Variants in TMEM143 observed in about 807,000 individuals in gnomAD.
TMEM143 encodes the protein transmembrane protein 143.
Under a neutral mutation model 40.3 loss-of-function variants are expected in TMEM143, and 45 were observed. The ratio of observed to expected loss-of-function variants is 1.12; its 90% CI spans 0.88 to 1.43. The LOEUF (loss-of-function observed/expected upper bound fraction) is 1.43, where lower values mean the gene tolerates loss of function less well. TMEM143 is among the 40% of genes most tolerant of loss of function. The pLI is 0.00. For synonymous variants in TMEM143, 299 were observed against 282.7 expected (o/e 1.06, Z -0.58); for missense variants, 620 against 613.4 (o/e 1.01, Z -0.11).
rs35957020 is a variant in TMEM143, at chr19:48,347,855, C to CTT, written c.370-2503_370-2502dup. ...ACAGGTGTGAGCCACCGCATCTGGT[C>CTT]TTTTTTTTTTTTTTAATTAGCCAGG... On this transcript the variant is annotated intron_variant, in intron 3 of 7. Transcript: ENST00000293261. Among the ~76,000 whole-genome samples the CTT allele has an allele frequency of 1.8e-3, 125 of 71,300 alleles. 1 individual carries two copies. In the South Asian group the frequency reaches 0.053, roughly 30 times the overall value. 46.8% of individuals were successfully genotyped at this position (71,300 alleles called of 152,430 possible).
chr19:48,335,596 G>A (rs1260948490), intron 6 of TMEM143, among the ~76,000 whole-genome samples: 2 of 152,154 alleles, frequency 1.3e-5, no homozygotes, highest in African/African-American at 4.8e-5. Context: ...GGTGGCTCAT[G>A]CCTGTAATCC....
At chr19:48,339,272 T>C (rs1031932832) in intron 6 of TMEM143, among the ~76,000 whole-genome samples, 4 of 152,072 alleles carry the variant, frequency 2.6e-5, no homozygotes, top group Non-Finnish European at 5.9e-5. Flanking sequence ...GAAGAGAAGA[T>C]GTCAGGGGAG....
chr19:48,342,728 C>T lies in TMEM143; in HGVS notation c.777G>A (p.Leu259=), dbSNP rs1210539363. ...CCGGCAGCAGCTGCTCCAGGCCTTC[C>T]AGCGGCGTGTCCTTGAAACTCTTCA... ...LVLKSFKDTP[L]EGLEQLLPEL... Residue 259 remains leucine (L), a synonymous_variant, in exon 6 of 8, where the codon CTG becomes CTA. Coordinates refer to ENST00000293261, the MANE Select transcript of TMEM143 (RefSeq NM_018273.4). 1 of 1,614,156 alleles carries T rather than the reference C, an allele frequency of 6.2e-7. No individual in the cohort carries two copies. Among genetic ancestry groups the T allele is most frequent in the Admixed American group, 1.7e-5 (1 of 60,020 alleles).
intron 6 of TMEM143, among the ~76,000 whole-genome samples, chr19:48,337,635 C>T (rs1969401243): frequency 1.3e-5 from 2 of 152,056 alleles, no homozygotes; most frequent in South Asian, 4.1e-4. Context: ...AACAGTCACC[C>T]ACACCCTGTG....
At chr19:48,361,803 A>T (rs1346643195) in intron 2 of TMEM143, among the ~76,000 whole-genome samples, 11 of 146,244 alleles carry the variant, frequency 7.5e-5, no homozygotes, top group South Asian at 2.2e-4. Context: ...CTGGGATTAC[A>T]GGCGTGAGCC....
At chr19:48,353,045 A>G (rs190009026) in intron 3 of TMEM143, among the ~76,000 whole-genome samples, 11 of 152,278 alleles carry the variant, frequency 7.2e-5, no homozygotes, top group African/African-American at 1.7e-4. Flanking sequence ...GAGTCTGTAC[A>G]TGTTCACTAC....
chr19:48,359,192 A>G (rs1969976300), intron 3 of TMEM143, among the ~76,000 whole-genome samples: 1 of 151,758 alleles, frequency 6.6e-6, no homozygotes, highest in Non-Finnish European at 1.5e-5. Context: ...CAAACAAACA[A>G]AAAAACAAAG....
chr19:48,337,691 G>A (rs1370888382), intron 6 of TMEM143, among the ~76,000 whole-genome samples: 2 of 152,094 alleles, frequency 1.3e-5, no homozygotes, highest in African/African-American at 4.8e-5. Flanking sequence ...GGCCTGAGGT[G>A]AAATGCCTCT....
In TMEM143 at chr19:48,333,325, G is replaced by A; in HGVS notation, c.1274C>T (p.Thr425Ile). The A allele has an allele frequency of 1.2e-6, 2 of 1,609,130 alleles. No homozygotes were observed. The highest frequency in any genetic ancestry group is 1.3e-5 in the African/African-American group (1 of 74,972). Residue 425 changes from threonine (T) to isoleucine (I), a missense_variant, in exon 8 of 8, where the codon ACC becomes ATC. Physicochemically the swap from Thr to Ile is moderately conservative, Grantham distance 89. Transcript: ENST00000293261. The surrounding 1 kb of genome is among the most constrained non-coding windows in gnomAD (Gnocchi z 4.1). ...TRALAHLQALTPSMGLYPPPG... is the reference protein window; with the variant it reads ...TRALAHLQALIPSMGLYPPPG... Reference sequence around the variant, plus strand: ...GGGTGGGTACAATCCCATGCTGGGGGTCAGGGCCTGCAGATGCGCCAGGGC... The same window carrying A: ...GGGTGGGTACAATCCCATGCTGGGGATCAGGGCCTGCAGATGCGCCAGGGC...
chr19:48,351,399 G>A (rs1969770730), intron 3 of TMEM143, among the ~76,000 whole-genome samples: 1 of 152,134 alleles, frequency 6.6e-6, no homozygotes, highest in Non-Finnish European at 1.5e-5. Context: ...TGGCCTGGGA[G>A]CTGTTCTCCC....
intron 3 of TMEM143, among the ~76,000 whole-genome samples, chr19:48,358,778 A>G (rs1415997908): frequency 6.6e-6 from 1 of 152,172 alleles, no homozygotes; most frequent in Non-Finnish European, 1.5e-5. Flanking sequence ...TGTTCCCTAC[A>G]CTGCAGCCAG....
chr19:48,333,121 T>A lies in TMEM143; in HGVS notation c.*98A>T. On this transcript the variant is annotated 3_prime_UTR_variant, in exon 8 of 8. Transcript: ENST00000293261. The surrounding 1 kb of genome is among the most constrained non-coding windows in gnomAD (Gnocchi z 4.1). The stretch of plus-strand genomic sequence containing the variant: ...ATAATCACCTGTCAGTTATTGGAAG[T>A]TGGAGTGAAAAGTATAATAACCGTA... 1.1e-6 allele frequency: 1 copy of A among 945,050 alleles called. No homozygotes were observed. The highest frequency in any genetic ancestry group is 1.5e-6 in the Non-Finnish European group (1 of 685,650). 58.5% of individuals were successfully genotyped at this position (945,050 alleles called of 1,614,324 possible).
At chr19:48,337,891 A>G (rs1334073285) in intron 6 of TMEM143, among the ~76,000 whole-genome samples, 1 of 151,842 alleles carries the variant, frequency 6.6e-6, no homozygotes, top group Non-Finnish European at 1.5e-5. Context: ...GTGTGGTATG[A>G]AAAACACATT....
rs1355640623 is a variant in TMEM143 at position 48,332,552 on chromosome 19, T to C, written c.*667A>G. 6.6e-6 allele frequency: 1 copy of C among 152,076 alleles called. No individual in the cohort carries two copies. The highest frequency in any genetic ancestry group is 2.4e-5 in the African/African-American group (1 of 41,404). 9.4% of individuals were successfully genotyped at this position (152,076 alleles called of 1,614,324 possible). ...TGGGAGCGAGTCTTGGTGGCGAGGG[T>C]GGTTTCTGGTTCACCTACCTAGCAC... is the stretch of plus-strand genomic sequence containing the variant. On this transcript the variant is annotated 3_prime_UTR_variant, in exon 8 of 8. Transcript: ENST00000293261.
At chr19:48,353,652 T>C (rs1968566537) in intron 3 of TMEM143, among the ~76,000 whole-genome samples, 1 of 151,874 alleles carries the variant, frequency 6.6e-6, no homozygotes, top group South Asian at 2.1e-4. Context: ...TACATCCCTT[T>C]GGAACCTCAG....
At position 48,356,427 on chromosome 19, in the gene TMEM143, T is replaced by TC. The variant is rs1205197639; in HGVS notation, c.369+3644dup. On this transcript the variant is annotated intron_variant, in intron 3 of 7. Transcript: ENST00000293261. ...AGGCGTGAGTCACCACGCCCGGCCCTCCTTTTTTTTTTTTTTTTTGAGACA... is the reference window on the plus strand; with the variant it reads ...AGGCGTGAGTCACCACGCCCGGCCCTCCCTTTTTTTTTTTTTTTTTGAGACA... 7.5e-5 allele frequency among the ~76,000 whole-genome samples: 7 copies of TC among 92,910 alleles called. No homozygotes were observed. In the East Asian group the frequency reaches 2.2e-3, roughly 29 times the overall value. The allele number at this position is 92,910 out of a possible 152,430, so 61.0% of individuals were successfully genotyped here.
intron 3 of TMEM143, among the ~76,000 whole-genome samples, chr19:48,357,386 A>T (rs1420493430): frequency 5.0e-5 from 2 of 40,300 alleles, no homozygotes; most frequent in East Asian, 1.4e-3. Context: ...ACGGAGTCTC[A>T]CTCTATCGCC....
chr19:48,335,768 C>T (rs1301113615), intron 6 of TMEM143, among the ~76,000 whole-genome samples: 1 of 152,006 alleles, frequency 6.6e-6, no homozygotes, highest in Non-Finnish European at 1.5e-5. Flanking sequence ...ATGGTGAGCA[C>T]CTGTAGTCCC....
chr19:48,363,139 A>C (rs1312736558), intron 2 of TMEM143, 152 bp downstream of exon 2: 2 of 1,130,020 alleles, frequency 1.8e-6, no homozygotes, highest in Non-Finnish European at 2.4e-6. Flanking sequence ...ATTCCAGCTC[A>C]TCTCCCGCCC....
Sources: allele counts gnomAD v4.1 joint callset (sites outside exome capture counted in the v4.1 genomes callset), GRCh38; gene constraint gnomAD v4.1.1; non-coding constraint Gnocchi (gnomAD v3.1); transcripts MANE v1.5; gene names NCBI Gene and HGNC (gene_info 2026-07-23, HGNC 2026-07-21).